The following ZC3H4 variants were observed in gnomAD, a reference collection of about 807,000 sequenced individuals.
The protein encoded by ZC3H4 is zinc finger CCCH domain-containing protein 4.
Under a neutral mutation model 108.3 loss-of-function variants are expected in ZC3H4, and 13 were observed. The ratio of observed to expected loss-of-function variants is 0.12; its 90% confidence interval spans 0.08 to 0.19. ZC3H4 has a LOEUF of 0.19. Ranked by LOEUF, ZC3H4 falls within the 10% of genes least tolerant of loss-of-function variation. The pLI, the probability that ZC3H4 is intolerant of heterozygous loss-of-function variation, is 1.00. For missense variants in ZC3H4, 1,734 were observed against 1,838.8 expected, an observed-to-expected ratio of 0.94 and a Z score of 1.04; for synonymous variants, 917 against 749.6, an observed-to-expected ratio of 1.22 and a Z score of -3.65.
intron 11 of ZC3H4, 86 bp downstream of exon 11, chr19:47,081,426 CT>C: frequency 9.4e-7 from 1 of 1,062,406 alleles, no homozygotes; most frequent in Non-Finnish European, 1.5e-6. Context: ...ACTGCAGAGG[CT>C]GGACAGGCAG....
chr19:47,091,824 C>T (rs1229879767), intron 4 of ZC3H4, among the ~76,000 whole-genome samples: 1 of 151,666 alleles, frequency 6.6e-6, no homozygotes, highest in Non-Finnish European at 1.5e-5. Context: ...ACCAGGGAGG[C>T]GGAGGTTGCA....
intron 11 of ZC3H4, among the ~76,000 whole-genome samples, chr19:47,073,912 T>C (rs917147942): frequency 3.3e-5 from 5 of 152,194 alleles, no homozygotes; most frequent in African/African-American, 1.2e-4. Context: ...TCCCCTGTCA[T>C]GTTTGGATTT....
At position 47,102,659 on chromosome 19, in the gene ZC3H4, C is replaced by T. The variant is rs1485847313; in HGVS notation, c.162-8051G>A. Among the ~76,000 whole-genome samples, 6 of 151,762 alleles carry T rather than the reference C, an allele frequency of 4.0e-5. No individual in the cohort carries two copies. The South Asian group carries it at 8.3e-4, about 21-fold the overall frequency. Reference sequence around the variant, plus strand: ...CTACCCAAACACAAAGACACAAGGCCGATACGGTCCTTCCAATATCAAGTG... The same window carrying T: ...CTACCCAAACACAAAGACACAAGGCTGATACGGTCCTTCCAATATCAAGTG... On this transcript the variant is annotated intron_variant, in intron 2 of 14. Coordinates refer to ENST00000253048, the MANE Select transcript of ZC3H4 (RefSeq NM_015168.2).
At chr19:47,093,195 G>A (rs1427592175) in intron 4 of ZC3H4, among the ~76,000 whole-genome samples, 1 of 127,956 alleles carries the variant, frequency 7.8e-6, no homozygotes, top group South Asian at 2.6e-4. Flanking sequence ...CAGCCTGGGC[G>A]ACAGAGTGAG....
In ZC3H4 at chr19:47,069,244, G is replaced by C; in HGVS notation, c.2246C>G (p.Pro749Arg). 6.2e-7 allele frequency: 1 copy of C among 1,613,590 alleles called. No homozygotes were observed. Among genetic ancestry groups the C allele is most frequent in the Non-Finnish European group, 8.5e-7 (1 of 1,179,914 alleles). ...ACCGGCGCCTGGCTTCGGCCGGCCTGGGGGCCCTCCCTCAGAGAAGCTGTC... is the reference window on the plus strand; with the variant it reads ...ACCGGCGCCTGGCTTCGGCCGGCCTCGGGGCCCTCCCTCAGAGAAGCTGTC... ...EPDSFSEGGP[P>R]GRPKPGAGVP... Residue 749 changes from proline to arginine, a missense_variant, in exon 14 of 15, where the codon CCA (proline) becomes CGA (arginine). Pro to Arg is a moderately radical substitution (Grantham distance 103, BLOSUM62 -2). Transcript: ENST00000253048.
intron 4 of ZC3H4, among the ~76,000 whole-genome samples, chr19:47,090,504 T>C (rs2122955776): frequency 1.3e-5 from 2 of 152,142 alleles, no homozygotes; most frequent in South Asian, 4.1e-4. Flanking sequence ...CAAGCGCACG[T>C]GGAGGGGCCT....
At chr19:47,075,705 G>A (rs1396222854) in intron 11 of ZC3H4, among the ~76,000 whole-genome samples, 3 of 152,096 alleles carry the variant, frequency 2.0e-5, no homozygotes, top group Non-Finnish European at 4.4e-5. Flanking sequence ...CCAGTGCCTG[G>A]CACAAACAAG....
intron 4 of ZC3H4, among the ~76,000 whole-genome samples, chr19:47,090,458 G>T (rs2057711957): frequency 6.6e-6 from 1 of 152,192 alleles, no homozygotes; most frequent in Non-Finnish European, 1.5e-5. Flanking sequence ...GATGAACAAA[G>T]GGGAGAAGAA....
chr19:47,071,437 A>G (rs575618648), intron 13 of ZC3H4, among the ~76,000 whole-genome samples: 1 of 152,138 alleles, frequency 6.6e-6, no homozygotes, highest in South Asian at 2.1e-4. Context: ...CCGGAAAGAG[A>G]TGGTTTTGGC....
intron 5 of ZC3H4, 48 bp from the exon 6 acceptor site, chr19:47,086,586 C>T (rs773821969): frequency 3.3e-5 from 50 of 1,523,246 alleles, no homozygotes; most frequent in Non-Finnish European, 4.2e-5. Context: ...CAGATGCCAC[C>T]AGCAAGAAAG....
chr19:47,091,063 C>T (rs2057723416), intron 4 of ZC3H4, among the ~76,000 whole-genome samples: 1 of 151,644 alleles, frequency 6.6e-6, no homozygotes, highest in Admixed American at 6.6e-5. Context: ...TCAGGAGATG[C>T]AGACGCGAAA....
chr19:47,068,437 A>G (rs1249821962), intron 14 of ZC3H4, among the ~76,000 whole-genome samples: 1 of 152,152 alleles, frequency 6.6e-6, no homozygotes, highest in African/African-American at 2.4e-5. Context: ...GCTGGTGTGG[A>G]CCAACCGCAG....
In ZC3H4 at chr19:47,066,494, C is replaced by A; in HGVS notation, c.3774G>T (p.Thr1258=). The change falls in exon 15 of 15, where the codon ACG becomes ACT. Residue 1258 remains threonine, a synonymous_variant. Coordinates refer to ENST00000253048, the MANE Select transcript of ZC3H4 (RefSeq NM_015168.2). ...HNLPVPTLFG[T]VKQTPKTGSG... The stretch of plus-strand genomic sequence containing the variant: ...AGCCCGTCTTGGGTGTCTGCTTCAC[C>A]GTCCCGAAGAGGGTGGGCACGGGCA... 1 of 1,580,314 alleles carries A rather than the reference C, an allele frequency of 6.3e-7. No individual in the cohort carries two copies. Among genetic ancestry groups the A allele is most frequent in the African/African-American group, 1.3e-5 (1 of 74,522 alleles).
chr19:47,094,258 T>C (rs1357485986), intron 3 of ZC3H4, 131 bp downstream of exon 3: 6 of 1,175,048 alleles, frequency 5.1e-6, no homozygotes, highest in Non-Finnish European at 7.4e-6. Context: ...TTAAAAAAGG[T>C]CTTTATCCAA....
chr19:47,068,413 T>C (rs968465932), intron 14 of ZC3H4, among the ~76,000 whole-genome samples: 5 of 152,278 alleles, frequency 3.3e-5, no homozygotes, highest in South Asian at 2.1e-4. Flanking sequence ...GATGTCCCCA[T>C]GTCCCAGGGA....
rs529353450 is a variant in ZC3H4, at chr19:47,113,722, A to G, written c.-8T>C. 1 of 152,164 alleles carries G rather than the reference A, an allele frequency of 6.6e-6. No homozygotes were observed. The highest frequency in any genetic ancestry group is 1.5e-5 in the Non-Finnish European group (1 of 68,020). The allele number at this position is 152,164 out of a possible 1,614,324, so 9.4% of individuals were successfully genotyped here. The stretch of plus-strand genomic sequence containing the variant: ...CGGAGAGGGAAAAAAAAAATAACCG[A>G]AAGCTGGAGGCCAGGTGCCGAGAGT... On this transcript the variant is annotated splice_region_variant and 5_prime_UTR_variant, in exon 1 of 15. Coordinates refer to ENST00000253048, the MANE Select transcript of ZC3H4 (RefSeq NM_015168.2).
chr19:47,093,550 C>A (rs1012370849), intron 4 of ZC3H4, among the ~76,000 whole-genome samples: 3 of 152,140 alleles, frequency 2.0e-5, no homozygotes, highest in East Asian at 3.9e-4. Flanking sequence ...GGGTTCAAAT[C>A]CCAGCTCCTT....
Position 47,067,288 on chromosome 19 carries a change from C to A in ZC3H4, c.2980G>T (p.Ala994Ser). Residue 994 changes from alanine (A) to serine (S), a missense_variant, in exon 15 of 15, where the codon GCA (alanine) becomes TCA (serine). Transcript: ENST00000253048. The surrounding 1 kb of genome is among the most constrained non-coding windows in gnomAD (Gnocchi z 6.4). ...LIPLPIPKQD[A>S]VPPVPAALQS... ...AGGGCCGCGGGCACGGGGGGCACTG[C>A]GTCCTGCTTGGGGATGGGTAGGGGG... 1 of 1,589,458 alleles carries A rather than the reference C, an allele frequency of 6.3e-7. No individual in the cohort carries two copies. The highest frequency in any genetic ancestry group is 8.6e-7 in the Non-Finnish European group (1 of 1,167,128).
At chr19:47,083,932 T>C (rs1197703920) in intron 9 of ZC3H4, among the ~76,000 whole-genome samples, 2 of 152,100 alleles carry the variant, frequency 1.3e-5, no homozygotes, top group Non-Finnish European at 2.9e-5. Flanking sequence ...CATTGAACTC[T>C]GCTATGAAGT....
Sources: allele counts gnomAD v4.1 joint callset (sites outside exome capture counted in the v4.1 genomes callset), GRCh38; gene constraint gnomAD v4.1.1; non-coding constraint Gnocchi (gnomAD v3.1); transcripts MANE v1.5; gene names NCBI Gene and HGNC (gene_info 2026-07-23, HGNC 2026-07-21).